ASB3: variants seen among roughly 807,000 people sequenced by gnomAD.
ASB3 encodes the protein ankyrin repeat and SOCS box containing 3, also known as ankyrin repeat and SOCS box protein 3.
In ASB3, 41 loss-of-function variants were observed where a neutral mutation model predicts 54.5. That is an observed-to-expected ratio of 0.75 (90% CI 0.59 to 0.98). The LOEUF is 0.98. ASB3 is among the 50% of genes least tolerant of loss of function. The pLI, the probability that ASB3 is intolerant of heterozygous loss-of-function variation, is 0.00. For synonymous variants in ASB3, 266 were observed against 221.2 expected (o/e 1.20, Z -1.80); for missense variants, 733 against 620.0 (o/e 1.18, Z -1.94).
chr2:53,740,648 G>C (rs1270006895), intron 3 of ASB3, among the ~76,000 whole-genome samples: 1 of 152,168 alleles, frequency 6.6e-6, no homozygotes, highest in East Asian at 1.9e-4. Context: ...CATACTGATG[G>C]GAAAAACCAT....
At chr2:53,720,637 G>C (rs920701845) in intron 5 of ASB3, among the ~76,000 whole-genome samples, 1 of 152,132 alleles carries the variant, frequency 6.6e-6, no homozygotes, top group Non-Finnish European at 1.5e-5. Context: ...ATAATGTTGG[G>C]AGATGTCAAA....
rs558884259 is a variant in ASB3, at chr2:53,701,680, T to C, written c.981-1152A>G. Among the ~76,000 whole-genome samples the C allele has an allele frequency of 1.7e-4, 26 of 152,326 alleles. No individual in the cohort carries two copies. The South Asian group carries it at 5.4e-3, about 32-fold the overall frequency. On this transcript the variant is annotated intron_variant, in intron 7 of 9. Transcript: ENST00000263634. The stretch of plus-strand genomic sequence containing the variant: ...GTGAGCCTGAGAAAGATAGGATGAA[T>C]GTATTTTTAAACAATGTGTTAGTTA...
At chr2:53,768,422 T>C (rs565626324) in intron 1 of ASB3, among the ~76,000 whole-genome samples, 24 of 152,356 alleles carry the variant, frequency 1.6e-4, no homozygotes, top group African/African-American at 5.8e-4. Flanking sequence ...AATTCAGCTT[T>C]TTAGCAATTA....
rs565249157 is a variant in ASB3 at position 53,776,764 on chromosome 2, A to C, written c.-14+10057T>G. Among the ~76,000 whole-genome samples, 65 of 152,320 alleles carry C rather than the reference A, an allele frequency of 4.3e-4. No homozygotes were observed. The South Asian group carries it at 0.013, about 32-fold the overall frequency. Reference sequence around the variant, plus strand: ...AACCCAGGAGTTCGAGGCTGCAGTGAGCCATGATCACACCACTGCACTCCA... The same window carrying C: ...AACCCAGGAGTTCGAGGCTGCAGTGCGCCATGATCACACCACTGCACTCCA... On this transcript the variant is annotated intron_variant, in intron 1 of 9. Coordinates refer to ENST00000263634, the MANE Select transcript of ASB3 (RefSeq NM_016115.5).
chr2:53,754,324 T>A (rs538855960), intron 2 of ASB3, among the ~76,000 whole-genome samples: 4 of 152,230 alleles, frequency 2.6e-5, no homozygotes, highest in East Asian at 1.9e-4. Flanking sequence ...GACTACTCCA[T>A]CAAGGAAGTA....
At chr2:53,778,465 C>T (rs1202172315) in intron 1 of ASB3, among the ~76,000 whole-genome samples, 2 of 152,086 alleles carry the variant, frequency 1.3e-5, no homozygotes. Context: ...CATTATTAGT[C>T]ACTATATTCA....
intron 5 of ASB3, among the ~76,000 whole-genome samples, chr2:53,718,278 A>C (rs1670508269): frequency 7.0e-6 from 1 of 141,988 alleles, no homozygotes; most frequent in Admixed American, 7.1e-5. Context: ...AGGCAGCTAG[A>C]GAAAAACGTC....
intron 1 of ASB3, chr2:53,767,826 T>C (rs1482454745): frequency 3.9e-6 from 6 of 1,549,876 alleles, no homozygotes; most frequent in Non-Finnish European, 5.2e-6. Context: ...GAGGCTTCAG[T>C]CCCCGGCGGC....
In ASB3 at chr2:53,690,969, A is replaced by T. The variant is rs532499350; in HGVS notation, c.1369+2915T>A. Among the ~76,000 whole-genome samples the T allele has an allele frequency of 1.2e-4, 19 of 152,308 alleles. No individual in the cohort carries two copies. The East Asian group carries it at 3.7e-3, about 29-fold the overall frequency. On this transcript the variant is annotated intron_variant, in intron 9 of 9. Transcript: ENST00000263634. ...AAGCCAAGTGCTTTTATCTATAAGA[A>T]TTTAATTACTTAGACCTGACCAGGA... is the stretch of plus-strand genomic sequence containing the variant.
intron 3 of ASB3, among the ~76,000 whole-genome samples, chr2:53,741,548 T>A (rs1433076666): frequency 6.6e-6 from 1 of 152,194 alleles, no homozygotes; most frequent in East Asian, 1.9e-4. Flanking sequence ...GACTGACATT[T>A]TGAGTGGCAC....
chr2:53,785,847 AAAC>A (rs1434448298), intron 1 of ASB3, among the ~76,000 whole-genome samples: 9 of 152,362 alleles, frequency 5.9e-5, no homozygotes, highest in South Asian at 2.1e-4. Flanking sequence ...GTCTCAAAAC[AAAC>A]AACAACAACA....
At chr2:53,727,247 T>C (rs1671053346) in intron 5 of ASB3, among the ~76,000 whole-genome samples, 1 of 152,206 alleles carries the variant, frequency 6.6e-6, no homozygotes, top group South Asian at 2.1e-4. Context: ...AACAGATGCC[T>C]TCAATTGGCA....
intron 1 of ASB3, among the ~76,000 whole-genome samples, chr2:53,773,292 A>AT (rs1319312066): frequency 6.0e-5 from 9 of 150,314 alleles, no homozygotes; most frequent in African/African-American, 1.5e-4. Context: ...TTAAAAAAAA[A>AT]TTTTTTTAAG....
chr2:53,735,660 C>G (rs1420754068), intron 3 of ASB3, among the ~76,000 whole-genome samples: 1 of 151,236 alleles, frequency 6.6e-6, no homozygotes, highest in Non-Finnish European at 1.5e-5. Context: ...AAAACTGATT[C>G]ATACAGATGG....
chr2:53,771,487 T>G (rs1201171161), intron 1 of ASB3, among the ~76,000 whole-genome samples: 1 of 152,160 alleles, frequency 6.6e-6, no homozygotes, highest in Non-Finnish European at 1.5e-5. Flanking sequence ...CACTCCAGCC[T>G]GGGCTTGTTG....
intron 3 of ASB3, among the ~76,000 whole-genome samples, chr2:53,733,756 T>C (rs916625578): frequency 1.3e-5 from 2 of 152,112 alleles, no homozygotes; most frequent in Non-Finnish European, 2.9e-5. Context: ...CCAGTGGTGC[T>C]AGAGGAATTA....
intron 1 of ASB3, among the ~76,000 whole-genome samples, chr2:53,767,120 G>A (rs1306257241): frequency 1.3e-5 from 2 of 152,124 alleles, no homozygotes; most frequent in Admixed American, 1.3e-4. Flanking sequence ...TACAAATTCA[G>A]GTTCCCCAGC....
chr2:53,767,808 G>A, intron 1 of ASB3: 1 of 1,523,136 alleles, frequency 6.6e-7, no homozygotes, highest in South Asian at 1.2e-5. Flanking sequence ...CCGGTTACTC[G>A]CTTACCGGAG....
intron 7 of ASB3, among the ~76,000 whole-genome samples, chr2:53,702,158 A>G (rs1275503297): frequency 6.6e-6 from 1 of 152,206 alleles, no homozygotes; most frequent in Non-Finnish European, 1.5e-5. Context: ...CTTGTATTAG[A>G]AGGGGCAAGA....
Sources: gnomAD v4.1 joint callset for allele counts (sites outside exome capture counted in the v4.1 genomes callset) on GRCh38, gnomAD v4.1.1 for gene constraint, MANE v1.5 for transcripts, NCBI Gene and HGNC (gene_info 2026-07-23, HGNC 2026-07-21) for gene names.